The following SYT1 variants were observed in gnomAD, a reference collection of about 807,000 sequenced individuals.
The protein encoded by SYT1 is synaptotagmin 1, also known as synaptotagmin-1.
A neutral mutation model predicts 44.8 loss-of-function variants in SYT1; 8 were observed. The ratio of observed to expected loss-of-function variants is 0.18; its 90% confidence interval spans 0.10 to 0.32. The LOEUF (loss-of-function observed/expected upper bound fraction) is 0.32, where lower values mean the gene tolerates loss of function less well. Among genes scored for constraint, SYT1 ranks in the 10% least tolerant of loss-of-function variants. The pLI, the probability that SYT1 is intolerant of heterozygous loss-of-function variation, is 1.00. For synonymous variants in SYT1, 154 were observed against 188.8 expected (o/e 0.82, Z 1.51); for missense variants, 286 against 509.3 (o/e 0.56, Z 4.22).
At chr12:79,125,637 G>GA (rs575744028) in intron 3 of SYT1, among the ~76,000 whole-genome samples, 6 of 138,180 alleles carry the variant, frequency 4.3e-5, no homozygotes, top group South Asian at 2.3e-4. Context: ...AAGAAAAAAA[G>GA]AAAAAAAAAG....
chr12:79,384,080 T>G (rs1202341732), intron 9 of SYT1, among the ~76,000 whole-genome samples: 3 of 152,096 alleles, frequency 2.0e-5, no homozygotes, highest in Non-Finnish European at 2.9e-5. Context: ...TCTGGAAAAT[T>G]TTTCATAAAT....
chr12:79,123,310 TG>T (rs1344639367), intron 3 of SYT1, among the ~76,000 whole-genome samples: 5 of 21,464 alleles, frequency 2.3e-4, no homozygotes. Flanking sequence ...AAAAATGCAA[TG>T]TGTGTGTGTG....
At chr12:79,057,641 T>A (rs1592709063) in intron 3 of SYT1, among the ~76,000 whole-genome samples, 1 of 152,136 alleles carries the variant, frequency 6.6e-6, no homozygotes, top group South Asian at 2.1e-4. Flanking sequence ...ACTTTAAAAT[T>A]TTTTTTCTAA....
intron 3 of SYT1, among the ~76,000 whole-genome samples, chr12:79,056,708 G>A (rs1293248325): frequency 1.3e-5 from 2 of 151,990 alleles, no homozygotes; most frequent in Non-Finnish European, 2.9e-5. Flanking sequence ...CCATTACATG[G>A]CAACTCTCAT....
In SYT1 at chr12:79,449,499, A is replaced by G. The variant is rs1870925154; in HGVS notation, c.*375A>G. The G allele has an allele frequency of 5.1e-6, 1 of 194,510 alleles. No individual in the cohort carries two copies. The highest frequency in any genetic ancestry group is 1.0e-4 in the South Asian group (1 of 9,846). 12.0% of individuals were successfully genotyped at this position (194,510 alleles called of 1,614,324 possible). A position where few individuals can be genotyped will look rare whatever the true frequency, so the allele number is the denominator to read the frequency against. On this transcript the variant is annotated 3_prime_UTR_variant, in exon 11 of 11. Coordinates refer to ENST00000261205, the MANE Select transcript of SYT1 (RefSeq NM_005639.3). Reference sequence around the variant, plus strand: ...CTAGATGTTTTTAATAAGATGTTCTATTTTAAACTATGTAAATTGACTGAG... The same window carrying G: ...CTAGATGTTTTTAATAAGATGTTCTGTTTTAAACTATGTAAATTGACTGAG...
intron 4 of SYT1, among the ~76,000 whole-genome samples, chr12:79,222,963 C>T (rs1875266984): frequency 6.6e-6 from 1 of 152,102 alleles, no homozygotes; most frequent in South Asian, 2.1e-4. Flanking sequence ...TATTTCTTAG[C>T]TCCAAGAATA....
In SYT1 at chr12:79,146,939, C is replaced by G. The variant is rs1565826614; in HGVS notation, c.-17-70564C>G. On this transcript the variant is annotated intron_variant, in intron 3 of 10. Coordinates refer to ENST00000261205, the MANE Select transcript of SYT1 (RefSeq NM_005639.3). ...CACTGCAAGCTCTGCTTCCCGGGTT[C>G]AGGCCATTCTCCTGCCTCAGCCTCC... 2.0e-5 allele frequency among the ~76,000 whole-genome samples: 3 copies of G among 152,254 alleles called. No individual in the cohort carries two copies. The East Asian group carries it at 5.8e-4, about 29-fold the overall frequency.
intron 9 of SYT1, among the ~76,000 whole-genome samples, chr12:79,398,266 C>G (rs1884945066): frequency 6.6e-6 from 1 of 152,146 alleles, no homozygotes; most frequent in Non-Finnish European, 1.5e-5. Flanking sequence ...TTTAAGAAGA[C>G]AGAATACTAA....
intron 3 of SYT1, among the ~76,000 whole-genome samples, chr12:79,073,513 A>G (rs1172359804): frequency 6.6e-6 from 1 of 152,114 alleles, no homozygotes; most frequent in East Asian, 1.9e-4. Flanking sequence ...TGACCTCTCC[A>G]ATAATGAAGC....
intron 8 of SYT1, among the ~76,000 whole-genome samples, chr12:79,349,714 A>G (rs533773774): frequency 6.6e-6 from 1 of 152,322 alleles, no homozygotes; most frequent in South Asian, 2.1e-4. Flanking sequence ...CCCCATCACC[A>G]TAATCCCACC....
chr12:79,104,662 C>T (rs1238304234), intron 3 of SYT1, among the ~76,000 whole-genome samples: 2 of 151,650 alleles, frequency 1.3e-5, no homozygotes, highest in Non-Finnish European at 2.9e-5. Context: ...ACTAAGTAAA[C>T]CCTACTCTAA....
At chr12:79,226,925 G>C (rs1875555092) in intron 4 of SYT1, among the ~76,000 whole-genome samples, 1 of 152,072 alleles carries the variant, frequency 6.6e-6, no homozygotes, top group Non-Finnish European at 1.5e-5. Flanking sequence ...ATATATAAAG[G>C]TTATCACTTT....
At chr12:79,081,868 C>T (rs17273986) in intron 3 of SYT1, among the ~76,000 whole-genome samples, 2,236 of 152,242 alleles carry the variant, frequency 0.015, 27 homozygotes, top group Middle Eastern at 0.075. Context: ...CTTCTAAGAG[C>T]ACAAGTGACT....
chr12:79,402,157 C>A (rs903515115), intron 9 of SYT1, among the ~76,000 whole-genome samples: 1 of 152,142 alleles, frequency 6.6e-6, no homozygotes, highest in African/African-American at 2.4e-5. Context: ...GTCTACACTC[C>A]ACCCATCGCA....
chr12:79,437,806 G>T lies in SYT1; in HGVS notation c.929-6267G>T, dbSNP rs184187289. 3.3e-5 allele frequency among the ~76,000 whole-genome samples: 5 copies of T among 152,278 alleles called. 1 individual carries two copies. In the East Asian group the frequency reaches 9.7e-4, roughly 29 times the overall value. On this transcript the variant is annotated intron_variant, in intron 9 of 10. Transcript: ENST00000261205. ...GGTAGCAATAATATTGGAAGCATAGGTTGCATTGTAGAGTGTCTGAGAAAA... is the reference window on the plus strand; with the variant it reads ...GGTAGCAATAATATTGGAAGCATAGTTTGCATTGTAGAGTGTCTGAGAAAA...
intron 9 of SYT1, among the ~76,000 whole-genome samples, chr12:79,406,364 G>T (rs1341352938): frequency 6.6e-6 from 1 of 152,082 alleles, no homozygotes; most frequent in Non-Finnish European, 1.5e-5. Flanking sequence ...TTATAGGTCT[G>T]ATTTCCACCT....
At position 79,188,967 on chromosome 12, in the gene SYT1, T is replaced by A. The variant is rs1302418455; in HGVS notation, c.-17-28536T>A. Among the ~76,000 whole-genome samples, 4 of 151,896 alleles carry A rather than the reference T, an allele frequency of 2.6e-5. No homozygotes were observed. In the East Asian group the frequency reaches 5.8e-4, roughly 22 times the overall value. ...ATCAAATCACTAACCTATTTTTTTT[T>A]ATCTTGATGCTCAAGCTCTGAAAGT... On this transcript the variant is annotated intron_variant, in intron 3 of 10. Coordinates refer to ENST00000261205, the MANE Select transcript of SYT1 (RefSeq NM_005639.3).
At chr12:79,272,286 G>A (rs1225360153) in intron 4 of SYT1, among the ~76,000 whole-genome samples, 1 of 152,132 alleles carries the variant, frequency 6.6e-6, no homozygotes, top group Non-Finnish European at 1.5e-5. Flanking sequence ...TTTGAACACT[G>A]TGCACAAAAT....
chr12:79,066,042 C>T (rs1385397856), intron 3 of SYT1, among the ~76,000 whole-genome samples: 2 of 151,780 alleles, frequency 1.3e-5, no homozygotes, highest in Admixed American at 1.3e-4. Context: ...ACATATATAC[C>T]CACATGCATG....
Sources: gnomAD v4.1 joint callset for allele counts (sites outside exome capture counted in the v4.1 genomes callset) on GRCh38, gnomAD v4.1.1 for gene constraint, MANE v1.5 for transcripts, NCBI Gene and HGNC (gene_info 2026-07-23, HGNC 2026-07-21) for gene names.